NR4A1: variants seen among roughly 807,000 people sequenced by gnomAD.
NR4A1 encodes the protein nuclear receptor subfamily 4 group A member 1, also known as nuclear receptor subfamily 4immunitygroup A member 1.
In NR4A1, 24 loss-of-function variants were observed where a neutral mutation model predicts 47.5. The ratio of observed to expected loss-of-function variants is 0.50; its 90% CI spans 0.37 to 0.71. The LOEUF (loss-of-function observed/expected upper bound fraction) is 0.71, where lower values mean the gene tolerates loss of function less well. Among genes scored for constraint, NR4A1 ranks in the 30% least tolerant of loss-of-function variants. The pLI, the probability that NR4A1 is intolerant of heterozygous loss-of-function variation, is 0.00. For synonymous variants in NR4A1, 353 were observed against 345.7 expected, an observed-to-expected ratio of 1.02 and a Z score of -0.24; for missense variants, 669 against 788.6, an observed-to-expected ratio of 0.85 and a Z score of 1.82.
At chr12:52,029,732 T>A (rs61914048) in intron 1 of NR4A1, among the ~76,000 whole-genome samples, 2 of 151,938 alleles carry the variant, frequency 1.3e-5, no homozygotes, top group Non-Finnish European at 2.9e-5. Flanking sequence ...ACCAGAGAGC[T>A]AAGGAATACC....
chr12:52,059,089 G>A lies in NR4A1; in HGVS notation c.*145G>A. 1 of 1,081,504 alleles carries A rather than the reference G, an allele frequency of 9.2e-7. No individual in the cohort carries two copies. The highest frequency in any genetic ancestry group is 1.3e-6 in the Non-Finnish European group (1 of 773,612). The allele number at this position is 1,081,504 out of a possible 1,614,324, so 67.0% of individuals were successfully genotyped here. ...TCTCACCTGCTCCAGGAGGTTTGCAGGGAGCTCAAGCCCTTGGGGAGGGGG... is the reference window on the plus strand; with the variant it reads ...TCTCACCTGCTCCAGGAGGTTTGCAAGGAGCTCAAGCCCTTGGGGAGGGGG... On this transcript the variant is annotated 3_prime_UTR_variant, in exon 7 of 7. Transcript: ENST00000394825.
chr12:52,052,252 G>T (rs1463445241), intron 1 of NR4A1, among the ~76,000 whole-genome samples: 1 of 147,502 alleles, frequency 6.8e-6, no homozygotes, highest in Non-Finnish European at 1.5e-5. Flanking sequence ...AATTGATTTC[G>T]CTGGGGCTTG....
At chr12:52,052,593 C>T (rs1939042582) in intron 1 of NR4A1, 2 of 985,784 alleles carry the variant, frequency 2.0e-6, no homozygotes, top group Non-Finnish European at 2.4e-6. Context: ...CCTCCTTCAA[C>T]CCCGCCTCTT....
intron 1 of NR4A1, among the ~76,000 whole-genome samples, chr12:52,034,503 C>T (rs1938196292): frequency 6.6e-6 from 1 of 152,212 alleles, no homozygotes; most frequent in Admixed American, 6.5e-5. Context: ...CTCACCTTTC[C>T]TATCTGCAAT....
At position 52,057,063 on chromosome 12, in the gene NR4A1, G is replaced by A. The variant is rs1486692382; in HGVS notation, c.1165G>A (p.Glu389Lys). 6.3e-7 allele frequency: 1 copy of A among 1,599,472 alleles called. No individual in the cohort carries two copies. Among genetic ancestry groups the A allele is most frequent in the Non-Finnish European group, 8.5e-7 (1 of 1,172,458 alleles). ...TAKLDYSKFQ[E>K]LVLPHFGKED... Reference sequence around the variant, plus strand: ...CACTGGACCGTCTTCCTAGTTCCAGGAGCTGGTGCTGCCCCACTTTGGGAA... The same window carrying A: ...CACTGGACCGTCTTCCTAGTTCCAGAAGCTGGTGCTGCCCCACTTTGGGAA... Residue 389 changes from glutamate (E) to lysine (K), a missense_variant, in exon 5 of 7, where the codon GAG becomes AAG. By Grantham distance (56) the Glu-to-Lys change is moderately conservative (BLOSUM62 1). Transcript: ENST00000394825.
chr12:52,045,211 T>C (rs1938585923), intron 2 of NR4A1, among the ~76,000 whole-genome samples: 1 of 152,238 alleles, frequency 6.6e-6, no homozygotes, highest in Non-Finnish European at 1.5e-5. Context: ...CTGTAGTTCC[T>C]GGAGCAGGAG....
At chr12:52,055,565 C>G (rs1215300281) in intron 2 of NR4A1, 2 of 515,154 alleles carry the variant, frequency 3.9e-6, no homozygotes, top group African/African-American at 1.9e-5. Context: ...TCTCATGTTC[C>G]TGGCGTGAGA....
chr12:52,054,305 C>G (rs1348470423), intron 1 of NR4A1, 22 bp from the exon 2 acceptor site: 1 of 1,579,262 alleles, frequency 6.3e-7, no homozygotes, highest in African/African-American at 1.3e-5. Flanking sequence ...CTTTCCCTCC[C>G]TGGGGTCTCC....
intron 1 of NR4A1, chr12:52,038,899 C>CT: frequency 1.6e-6 from 1 of 615,802 alleles, no homozygotes. Context: ...CCCTTAGCTT[C>CT]TGCCCTGCTC....
chr12:52,030,637 C>T lies in NR4A1; in HGVS notation c.-84+7698C>T, dbSNP rs148723702. Among the ~76,000 whole-genome samples the T allele has an allele frequency of 6.3e-3, 963 of 152,238 alleles. 13 individuals are homozygous for T. The highest frequency in any genetic ancestry group is 0.021 in the African/African-American group (882 of 41,534). On this transcript the variant is annotated intron_variant, in intron 1 of 7. Coordinates refer to the NR4A1 transcript ENST00000360284. ...AGAGACGGGGTTTCATTATGTTGGC[C>T]AGTCTGGTCTCGAACTCCTGACCTC...
At position 52,057,487 on chromosome 12, in the gene NR4A1, T is replaced by C. The variant is rs778706022; in HGVS notation, c.1497T>C (p.Asp499=). 6.2e-7 allele frequency: 1 copy of C among 1,614,196 alleles called. No homozygotes were observed. The highest frequency in any genetic ancestry group is 8.5e-7 in the Non-Finnish European group (1 of 1,180,040). Residue 499 remains aspartate, a synonymous_variant, in exon 6 of 7, where the codon GAT becomes GAC. Transcript: ENST00000394825. ...FSRSLHSLLV[D]VPAFACLSAL... is the part of the protein sequence containing the mutation. ...GGTCCCTGCACAGCTTGCTTGTCGA[T>C]GTCCCTGCCTTCGCCTGCCTCTCTG...
upstream of NR4A1, among the ~76,000 whole-genome samples, chr12:52,050,088 CTTGTTT>C (rs1404773972): frequency 6.6e-6 from 1 of 152,110 alleles, no homozygotes; most frequent in African/African-American, 2.4e-5. Context: ...CTCTCTTTTC[CTTGTTT>C]TTGTTTTTTT....
At chr12:52,023,850 T>C (rs1410728977) in intron 1 of NR4A1, among the ~76,000 whole-genome samples, 3 of 152,204 alleles carry the variant, frequency 2.0e-5, no homozygotes, top group Non-Finnish European at 4.4e-5. Context: ...CCTGGCCGAC[T>C]TGCGGGGCGG....
In NR4A1 at chr12:52,055,015, C is replaced by T. The variant is rs748465035; in HGVS notation, c.687C>T (p.Ala229=). 1.9e-6 allele frequency: 3 copies of T among 1,614,232 alleles called. No individual in the cohort carries two copies. In the East Asian group the frequency reaches 6.7e-5, roughly 36 times the overall value. The part of the protein sequence containing the change: ...GEGESYSMPT[A]FPGLAPTSPH... ...GAGAGAGCTATTCCATGCCTACGGC[C>T]TTCCCAGGTTTGGCACCCACTTCTC... The change falls in exon 2 of 7, where the codon GCC becomes GCT. Residue 229 remains alanine (A), a synonymous_variant. Transcript: ENST00000394825.
chr12:52,038,687 G>T (rs753742791), intron 1 of NR4A1: 2 of 763,602 alleles, frequency 2.6e-6, no homozygotes, highest in Admixed American at 3.4e-5. Context: ...CTGACTCCGT[G>T]TAGTCATCCA....
At chr12:52,050,963 G>A (rs1268475779), upstream of NR4A1, among the ~76,000 whole-genome samples, 93 of 152,256 alleles carry the variant, frequency 6.1e-4, no homozygotes, top group African/African-American at 2.2e-3. Context: ...GGAGGGACCG[G>A]GCGCGGTTGG....
At chr12:52,042,301 C>A (rs1211284906) in intron 2 of NR4A1, among the ~76,000 whole-genome samples, 1 of 151,906 alleles carries the variant, frequency 6.6e-6, no homozygotes, top group Non-Finnish European at 1.5e-5. Flanking sequence ...ATGGGGCAGA[C>A]GTGGCAGCGG....
chr12:52,034,122 C>CCTAAGGTTTGCCCA (rs1938188130), intron 1 of NR4A1, among the ~76,000 whole-genome samples: 1 of 152,164 alleles, frequency 6.6e-6, no homozygotes, highest in African/African-American at 2.4e-5. Flanking sequence ...CCTGCCCTGC[C>CCTAAGGTTTGCCCA]GCATACCTAA....
intron 1 of NR4A1, chr12:52,038,558 G>T: frequency 1.6e-6 from 1 of 613,812 alleles, no homozygotes; most frequent in Non-Finnish European, 3.0e-6. Context: ...ATGGATTTGG[G>T]GGCTGTCGTC....
Sources: allele counts gnomAD v4.1 joint callset (sites outside exome capture counted in the v4.1 genomes callset), GRCh38; gene constraint gnomAD v4.1.1; transcripts MANE v1.5; gene names NCBI Gene and HGNC (gene_info 2026-07-23, HGNC 2026-07-21).